The following NKAIN3 variants were observed in gnomAD, a reference collection of about 807,000 sequenced individuals.
The protein encoded by NKAIN3 is sodium/potassium transporting ATPase interacting 3.
In NKAIN3, 25 loss-of-function variants were observed where a neutral mutation model predicts 30.2. That is an observed-to-expected ratio of 0.83 (90% confidence interval 0.60 to 1.16). The LOEUF is 1.16. NKAIN3 is among the 50% of genes most tolerant of loss of function. The pLI, the probability that NKAIN3 is intolerant of heterozygous loss-of-function variation, is 0.00. For missense variants in NKAIN3, 225 were observed against 254.1 expected (o/e 0.89, Z 0.78); for synonymous variants, 91 against 89.6 (o/e 1.02, Z -0.09).
At chr8:62,279,026 C>T (rs533697522) in intron 1 of NKAIN3, among the ~76,000 whole-genome samples, 1 of 152,304 alleles carries the variant, frequency 6.6e-6, no homozygotes, top group Non-Finnish European at 1.5e-5. Flanking sequence ...TCTCCACATC[C>T]TCCCCATCAC....
intron 4 of NKAIN3, among the ~76,000 whole-genome samples, chr8:62,851,397 T>C (rs1279121969): frequency 1.3e-5 from 2 of 152,206 alleles, no homozygotes; most frequent in African/African-American, 4.8e-5. Context: ...TCATGTCCTC[T>C]GCAAACAGGG....
chr8:62,401,334 C>T (rs561671011), intron 1 of NKAIN3, among the ~76,000 whole-genome samples: 6 of 147,772 alleles, frequency 4.1e-5, no homozygotes, highest in South Asian at 4.3e-4. Context: ...AATTCCTTCT[C>T]TGTGTCATCA....
intron 1 of NKAIN3, among the ~76,000 whole-genome samples, chr8:62,574,883 A>G (rs1249574458): frequency 9.2e-5 from 14 of 152,138 alleles, no homozygotes; most frequent in Non-Finnish European, 2.1e-4. Context: ...GATCATTTCA[A>G]TTAATGCTGA....
chr8:62,855,786 T>C, intron 4 of NKAIN3: 1 of 1,070,040 alleles, frequency 9.3e-7, no homozygotes. Flanking sequence ...CTTCCTTTTA[T>C]CATCAGCAAA....
intron 1 of NKAIN3, among the ~76,000 whole-genome samples, chr8:62,447,265 A>G (rs887655988): frequency 6.6e-6 from 1 of 152,032 alleles, no homozygotes; most frequent in African/African-American, 2.4e-5. Context: ...CAGGTACTGG[A>G]ATCTGTCATT....
intron 1 of NKAIN3, among the ~76,000 whole-genome samples, chr8:62,375,476 A>T (rs1817046314): frequency 6.6e-6 from 1 of 152,202 alleles, no homozygotes; most frequent in African/African-American, 2.4e-5. Flanking sequence ...GAGAGATCTG[A>T]TTAAGACATA....
intron 1 of NKAIN3, among the ~76,000 whole-genome samples, chr8:62,405,199 G>C (rs1230697391): frequency 6.6e-6 from 1 of 152,160 alleles, no homozygotes; most frequent in Non-Finnish European, 1.5e-5. Context: ...CTCTCCTGGA[G>C]CTGCAAGCTG....
chr8:62,854,774 G>A (rs1436005412), intron 4 of NKAIN3, among the ~76,000 whole-genome samples: 1 of 152,186 alleles, frequency 6.6e-6, no homozygotes, highest in Non-Finnish European at 1.5e-5. Flanking sequence ...ACTAGTTTAT[G>A]TGGTTACTTC....
At chr8:62,879,134 T>TA (rs1437628224) in intron 4 of NKAIN3, among the ~76,000 whole-genome samples, 1 of 152,224 alleles carries the variant, frequency 6.6e-6, no homozygotes, top group Non-Finnish European at 1.5e-5. Flanking sequence ...ACCAACAGTG[T>TA]AAAAGTGTTC....
intron 3 of NKAIN3, among the ~76,000 whole-genome samples, chr8:62,730,644 ATT>A (rs1815434868): frequency 6.6e-6 from 1 of 152,132 alleles, no homozygotes; most frequent in African/African-American, 2.4e-5. Flanking sequence ...AAAGAATTTC[ATT>A]TGAATTTGCG....
chr8:62,769,468 C>T (rs1816950576), intron 4 of NKAIN3, among the ~76,000 whole-genome samples: 1 of 152,160 alleles, frequency 6.6e-6, no homozygotes, highest in African/African-American at 2.4e-5. Context: ...ATGCCCCAAA[C>T]ATTTGGTTAA....
intron 4 of NKAIN3, among the ~76,000 whole-genome samples, chr8:62,796,383 C>CAAAAAAAAAAAAAAAAAAAAA (rs71255362): frequency 1.9e-5 from 1 of 53,744 alleles, no homozygotes; most frequent in African/African-American, 8.5e-5. Context: ...GACTCTGTCT[C>CAAAAAAAAAAAAAAAAAAAAA]AAAAAAAAAA....
At chr8:62,554,774 G>C (rs1425630391) in intron 1 of NKAIN3, among the ~76,000 whole-genome samples, 1 of 151,908 alleles carries the variant, frequency 6.6e-6, no homozygotes, top group African/African-American at 2.4e-5. Context: ...TTGCACATTA[G>C]ATTTCCAGAC....
At chr8:62,517,889 T>C (rs1384300447) in intron 1 of NKAIN3, among the ~76,000 whole-genome samples, 1 of 152,068 alleles carries the variant, frequency 6.6e-6, no homozygotes, top group Non-Finnish European at 1.5e-5. Context: ...GGAGAAACTA[T>C]ATCTATATCT....
chr8:62,905,973 A>G (rs1014211798), intron 4 of NKAIN3, among the ~76,000 whole-genome samples: 1 of 152,108 alleles, frequency 6.6e-6, no homozygotes, highest in Non-Finnish European at 1.5e-5. Context: ...TGCTTTCATC[A>G]AGCAACCTTC....
intron 3 of NKAIN3, among the ~76,000 whole-genome samples, chr8:62,636,928 CT>C (rs1812147663): frequency 6.6e-6 from 1 of 152,110 alleles, no homozygotes; most frequent in Non-Finnish European, 1.5e-5. Flanking sequence ...CTTATAATTG[CT>C]TGAAAGTTGA....
At chr8:62,784,949 CA>C (rs1817467710) in intron 4 of NKAIN3, among the ~76,000 whole-genome samples, 1 of 152,166 alleles carries the variant, frequency 6.6e-6, no homozygotes, top group South Asian at 2.1e-4. Flanking sequence ...TTTAAAAAGA[CA>C]GACAGTTACA....
At chr8:62,428,055 AT>A (rs1408648318) in intron 1 of NKAIN3, among the ~76,000 whole-genome samples, 5 of 151,406 alleles carry the variant, frequency 3.3e-5, no homozygotes, top group African/African-American at 4.9e-5. Flanking sequence ...CCAGGAGATT[AT>A]TTTTTTTAGC....
chr8:62,904,192 G>A (rs1219829090), intron 4 of NKAIN3, among the ~76,000 whole-genome samples: 1 of 152,174 alleles, frequency 6.6e-6, no homozygotes, highest in Admixed American at 6.5e-5. Context: ...GGCTTGCTAT[G>A]AGGGTTGGAA....
Sources: gnomAD v4.1 joint callset for allele counts (sites outside exome capture counted in the v4.1 genomes callset) on GRCh38, gnomAD v4.1.1 for gene constraint, MANE v1.5 for transcripts, NCBI Gene and HGNC (gene_info 2026-07-23, HGNC 2026-07-21) for gene names.